The following NOSIP variants were observed in gnomAD, a reference collection of about 807,000 sequenced individuals.
NOSIP encodes nitric oxide synthase-interacting protein.
Under a neutral mutation model 36.4 loss-of-function variants are expected in NOSIP, and 25 were observed. The ratio of observed to expected loss-of-function variants is 0.69; its 90% CI spans 0.50 to 0.96. The LOEUF (loss-of-function observed/expected upper bound fraction) is 0.96. Ranked by LOEUF, NOSIP falls within the 40% of genes least tolerant of loss-of-function variation. The pLI is 0.00. For missense variants in NOSIP, 370 were observed against 429.0 expected, an observed-to-expected ratio of 0.86 and a Z score of 1.21; for synonymous variants, 187 against 179.2, an observed-to-expected ratio of 1.04 and a Z score of -0.35.
intron 1 of NOSIP, among the ~76,000 whole-genome samples, chr19:49,575,838 C>T (rs1017722893): frequency 6.6e-6 from 1 of 152,084 alleles, no homozygotes; most frequent in South Asian, 2.1e-4. Context: ...TATGTAAAAA[C>T]GTTAAAAACC....
chr19:49,572,096 A>ATTTTCTTTTTT (rs1033667775), intron 1 of NOSIP, among the ~76,000 whole-genome samples: 2 of 149,514 alleles, frequency 1.3e-5, no homozygotes, highest in Non-Finnish European at 3.0e-5. Flanking sequence ...CAGATGCTAA[A>ATTTTCTTTTTT]TTTTCTTTTT....
At chr19:49,567,768 T>A (rs1387418647) in intron 1 of NOSIP, among the ~76,000 whole-genome samples, 3 of 152,110 alleles carry the variant, frequency 2.0e-5, no homozygotes, top group African/African-American at 7.2e-5. Flanking sequence ...GCCTCCTGTG[T>A]TCAAGCGATT....
intron 1 of NOSIP, among the ~76,000 whole-genome samples, chr19:49,571,445 A>G (rs918982290): frequency 4.6e-5 from 7 of 152,114 alleles, no homozygotes; most frequent in African/African-American, 1.7e-4. Context: ...GGTAGGTCCA[A>G]TTTCAAACTA....
intron 1 of NOSIP, among the ~76,000 whole-genome samples, chr19:49,562,440 T>A (rs560163953): frequency 1.3e-5 from 2 of 151,790 alleles, no homozygotes; most frequent in East Asian, 4.0e-4. Flanking sequence ...GGCTTTTTTA[T>A]CCCTTAAAAT....
At chr19:49,578,552 G>A (rs1303962523) in intron 1 of NOSIP, among the ~76,000 whole-genome samples, 1 of 152,024 alleles carries the variant, frequency 6.6e-6, no homozygotes, top group African/African-American at 2.4e-5. Flanking sequence ...TGTAATCTAA[G>A]CACAGCACTT....
chr19:49,577,961 A>G (rs1353320572), intron 1 of NOSIP, among the ~76,000 whole-genome samples: 1 of 152,030 alleles, frequency 6.6e-6, no homozygotes, highest in Admixed American at 6.6e-5. Context: ...GATTGGGAGG[A>G]AATAGGGAAT....
At chr19:49,571,996 A>T (rs2080491058) in intron 1 of NOSIP, among the ~76,000 whole-genome samples, 1 of 151,624 alleles carries the variant, frequency 6.6e-6, no homozygotes, top group Non-Finnish European at 1.5e-5. Context: ...AAAAAAAAAA[A>T]AAAAAAAGCC....
intron 1 of NOSIP, among the ~76,000 whole-genome samples, chr19:49,565,635 G>A (rs1215888213): frequency 2.6e-5 from 4 of 152,102 alleles, no homozygotes; most frequent in African/African-American, 9.6e-5. Context: ...GCACACGCCT[G>A]TAATCCCAGC....
rs1449417136 is a variant in NOSIP, at chr19:49,562,309, A to G, written c.-1-1617T>C. Among the ~76,000 whole-genome samples, 29 of 152,088 alleles carry G rather than the reference A, an allele frequency of 1.9e-4. 1 individual carries two copies. Among genetic ancestry groups the G allele is most frequent in the African/African-American group, 9.7e-5 (4 of 41,450 alleles). ...GCTAATTTTTTTGTATTTTTAGTAG[A>G]GACGGGGTTTCACCGTGTTGGCCAG... On this transcript the variant is annotated intron_variant, in intron 1 of 8. Transcript: ENST00000596358.
intron 4 of NOSIP, chr19:49,558,096 G>A (rs902042029): frequency 2.1e-5 from 4 of 188,586 alleles, no homozygotes; most frequent in Non-Finnish European, 3.0e-5. Context: ...AGGCCAGGCC[G>A]GGTTCCCAGT....
At position 49,560,803 on chromosome 19, in the gene NOSIP, C is replaced by A; in HGVS notation, c.-1-111G>T. On this transcript the variant is annotated intron_variant, in intron 1 of 8. Coordinates refer to ENST00000596358, the MANE Select transcript of NOSIP (RefSeq NM_001270960.2). This position sits in a 1 kb window ranked among gnomAD's most constrained non-coding sequence, Gnocchi z 4.6. Reference sequence around the variant, plus strand: ...GCCCCCCTTGATGGGAAAGCGGAGGCGGAGAAGGGGGGTGAGGTGGAAGAG... The same window carrying A: ...GCCCCCCTTGATGGGAAAGCGGAGGAGGAGAAGGGGGGTGAGGTGGAAGAG... 1.2e-6 allele frequency: 1 copy of A among 833,762 alleles called. No individual in the cohort carries two copies. The highest frequency in any genetic ancestry group is 1.5e-5 in the South Asian group (1 of 66,868). The allele number at this position is 833,762 out of a possible 1,614,324, so 51.6% of individuals were successfully genotyped here. A position where few individuals can be genotyped will look rare whatever the true frequency, so the allele number is the denominator to read the frequency against.
rs186061137 is a variant in NOSIP, at chr19:49,572,183, G to T, written c.-2+8332C>A. ...TGCAGTGGTGTGATCTCGGCTCACTGCAACCTTCACCTCCCCGATTCAAGT... is the reference window on the plus strand; with the variant it reads ...TGCAGTGGTGTGATCTCGGCTCACTTCAACCTTCACCTCCCCGATTCAAGT... On this transcript the variant is annotated intron_variant, in intron 1 of 8. Transcript: ENST00000596358. 4.3e-3 allele frequency among the ~76,000 whole-genome samples: 634 copies of T among 148,332 alleles called. 2 individuals carry two copies. Among genetic ancestry groups the T allele is most frequent in the African/African-American group, 0.015 (597 of 40,264 alleles).
At chr19:49,564,677 G>A (rs1219575370) in intron 1 of NOSIP, among the ~76,000 whole-genome samples, 8 of 152,022 alleles carry the variant, frequency 5.3e-5, no homozygotes, top group Admixed American at 1.3e-4. Flanking sequence ...CCAGCAATTC[G>A]TCTCCCACGT....
At chr19:49,578,937 TAAA>T (rs572426945) in intron 1 of NOSIP, among the ~76,000 whole-genome samples, 1 of 144,682 alleles carries the variant, frequency 6.9e-6, no homozygotes, top group Non-Finnish European at 1.5e-5. Context: ...TTTAAATACT[TAAA>T]AAAAAAAAGA....
At chr19:49,555,881 T>A (rs1339493557) in intron 8 of NOSIP, 59 bp from the exon 9 acceptor site, 1 of 1,288,218 alleles carries the variant, frequency 7.8e-7, no homozygotes, top group East Asian at 2.3e-5. Flanking sequence ...CCAGTGGGGC[T>A]CCAGGTGGTA....
intron 1 of NOSIP, among the ~76,000 whole-genome samples, chr19:49,574,788 C>T (rs1568411684): frequency 6.6e-6 from 1 of 151,992 alleles, no homozygotes; most frequent in Non-Finnish European, 1.5e-5. Context: ...TCTCGCCTCC[C>T]AGGCCCAAGT....
Position 49,558,924 on chromosome 19 carries a change from C to T in NOSIP, c.231G>A (p.Gln77=). 1.2e-6 allele frequency: 2 copies of T among 1,614,178 alleles called. No homozygotes were observed. The highest frequency in any genetic ancestry group is 1.7e-6 in the Non-Finnish European group (2 of 1,180,012). The change falls in exon 4 of 9, where the codon CAG becomes CAA. Residue 77 remains glutamine, a synonymous_variant. Coordinates refer to ENST00000596358, the MANE Select transcript of NOSIP (RefSeq NM_001270960.2). ...TCATCTGCCGGGCAATCTCCTTCTT[C>T]TGGTGCAGAATGTACTCCAGGATGG... is the stretch of plus-strand genomic sequence containing the variant. ...REAILEYILH[Q]KKEIARQMKA... is the part of the protein sequence containing the mutation.
chr19:49,569,480 G>A (rs375018982), intron 1 of NOSIP, among the ~76,000 whole-genome samples: 7 of 145,394 alleles, frequency 4.8e-5, no homozygotes, highest in Admixed American at 1.3e-4. Context: ...TTACAGGTGT[G>A]AGCCACCGTG....
In NOSIP at chr19:49,560,287, C is replaced by T. The variant is rs554856886; in HGVS notation, c.71-248G>A. The T allele has an allele frequency of 4.3e-4, 249 of 575,418 alleles. No homozygotes were observed. The highest frequency in any genetic ancestry group is 3.1e-3 in the African/African-American group (164 of 53,380). The allele number at this position is 575,418 out of a possible 1,614,324, so 35.6% of individuals were successfully genotyped here. On this transcript the variant is annotated intron_variant, in intron 2 of 8. Transcript: ENST00000596358. This position sits in a 1 kb window ranked among gnomAD's most constrained non-coding sequence, Gnocchi z 4.6. ...AGTGGCAGCTTGGTGGAGGGGCTGA[C>T]GGCTGACTCCCCTCCACCCTTCTGA...
Sources: allele counts gnomAD v4.1 joint callset (sites outside exome capture counted in the v4.1 genomes callset), GRCh38; gene constraint gnomAD v4.1.1; non-coding constraint Gnocchi (gnomAD v3.1); transcripts MANE v1.5; gene names NCBI Gene and HGNC (gene_info 2026-07-23, HGNC 2026-07-21).